CNTN6: variants seen among roughly 807,000 people sequenced by gnomAD.
CNTN6 encodes contactin 6.
A neutral mutation model predicts 122.8 loss-of-function variants in CNTN6; 137 were observed. The ratio of observed to expected loss-of-function variants is 1.12; its 90% CI spans 0.97 to 1.29. The LOEUF (loss-of-function observed/expected upper bound fraction) is 1.29, where lower values mean the gene tolerates loss of function less well. CNTN6 is among the 50% of genes most tolerant of loss of function. CNTN6 has a pLI of 0.00. For synonymous variants in CNTN6, 570 were observed against 426.0 expected (o/e 1.34, Z -4.16); for missense variants, 1,634 against 1,223.4 (o/e 1.34, Z -5.01).
chr3:1,171,060 CA>C (rs1391734028), intron 2 of CNTN6, among the ~76,000 whole-genome samples: 3 of 152,198 alleles, frequency 2.0e-5, no homozygotes, highest in African/African-American at 7.2e-5. Flanking sequence ...TGGCCAATGC[CA>C]TTGGCAACCA....
intron 4 of CNTN6, among the ~76,000 whole-genome samples, chr3:1,245,274 T>TATATATATATATATA (rs1317154205): frequency 2.5e-4 from 1 of 4,008 alleles, no homozygotes; most frequent in Non-Finnish European, 4.2e-4. Flanking sequence ...TATATATATA[T>TATATATATATATATA]ACACACACAT....
At chr3:1,271,154 A>G (rs896792676) in intron 4 of CNTN6, among the ~76,000 whole-genome samples, 1 of 152,230 alleles carries the variant, frequency 6.6e-6, no homozygotes, top group African/African-American at 2.4e-5. Context: ...CTGGGATTAC[A>G]GGCTGGAGCC....
chr3:1,215,168 T>C (rs1499102), intron 2 of CNTN6, among the ~76,000 whole-genome samples: 51,636 of 151,968 alleles, frequency 0.34, 10,271 homozygotes, highest in African/African-American at 0.55. Context: ...GTGTTGAGTA[T>C]TCACTCTTTC....
rs2013828 is a variant in CNTN6 at position 1,220,790 on chromosome 3, T to C, written c.159T>C (p.Asn53=). The stretch of plus-strand genomic sequence containing the variant: ...AGGTCATCCTGAATTGTGCTGCTAA[T>C]GGTTACCCTTCGCCTCATTATAGGT... The part of the protein sequence containing the change: ...KSEVILNCAA[N]GYPSPHYRWK... The change falls in exon 3 of 23, where the codon AAT becomes AAC. Residue 53 remains asparagine (N), a synonymous_variant. Transcript: ENST00000446702. 0.37 allele frequency: 601,848 copies of C among 1,609,350 alleles called. 115,255 individuals are homozygous for C. Among genetic ancestry groups the C allele is most frequent in the South Asian group, 0.52 (46,750 of 90,348 alleles).
chr3:1,255,367 C>G (rs1236674947), intron 4 of CNTN6, among the ~76,000 whole-genome samples: 1 of 149,022 alleles, frequency 6.7e-6, no homozygotes, highest in African/African-American at 2.5e-5. Context: ...GGAAACACCA[C>G]GTTTAAAGCC....
intron 20 of CNTN6, among the ~76,000 whole-genome samples, chr3:1,393,721 G>C (rs1242170601): frequency 1.3e-5 from 2 of 151,456 alleles, no homozygotes; most frequent in Non-Finnish European, 2.9e-5. Flanking sequence ...CAAGACTCAG[G>C]TCAACTTTTA....
intron 17 of CNTN6, among the ~76,000 whole-genome samples, chr3:1,379,576 G>T (rs1710360700): frequency 6.6e-6 from 1 of 151,830 alleles, no homozygotes; most frequent in African/African-American, 2.4e-5. Context: ...TAAAATAAAA[G>T]TTGAATTTTT....
intron 12 of CNTN6, among the ~76,000 whole-genome samples, chr3:1,359,995 A>G (rs1393311744): frequency 1.3e-5 from 2 of 152,052 alleles, no homozygotes; most frequent in Non-Finnish European, 2.9e-5. Flanking sequence ...TTGACGCTCC[A>G]TTGCCTAACT....
chr3:1,364,651 G>C (rs17038241), intron 12 of CNTN6, among the ~76,000 whole-genome samples: 5,393 of 152,000 alleles, frequency 0.035, 132 homozygotes, highest in South Asian at 0.056. Context: ...TTGATATAGA[G>C]AAGCAGTCCC....
chr3:1,269,877 T>C (rs768364655), intron 4 of CNTN6, among the ~76,000 whole-genome samples: 11 of 152,174 alleles, frequency 7.2e-5, no homozygotes, highest in Admixed American at 3.9e-4. Flanking sequence ...TACTTATATA[T>C]AAATTTTTAC....
At chr3:1,256,128 C>G (rs1003496644) in intron 4 of CNTN6, among the ~76,000 whole-genome samples, 9 of 151,990 alleles carry the variant, frequency 5.9e-5, no homozygotes, top group African/African-American at 1.9e-4. Context: ...GTCGTGGTCT[C>G]CTAAAGTGCT....
At chr3:1,269,648 A>G (rs2094989424) in intron 4 of CNTN6, among the ~76,000 whole-genome samples, 1 of 152,198 alleles carries the variant, frequency 6.6e-6, no homozygotes, top group African/African-American at 2.4e-5. Flanking sequence ...TGACATGTAT[A>G]TTATCATAGA....
intron 17 of CNTN6, among the ~76,000 whole-genome samples, chr3:1,382,008 A>C (rs913636150): frequency 6.6e-6 from 1 of 152,106 alleles, no homozygotes; most frequent in African/African-American, 2.4e-5. Context: ...GACTCCCATG[A>C]ATAAAGAGAA....
chr3:1,339,539 C>G (rs993523299), intron 11 of CNTN6, among the ~76,000 whole-genome samples: 1 of 152,134 alleles, frequency 6.6e-6, no homozygotes, highest in African/African-American at 2.4e-5. Flanking sequence ...GGGCAATTCA[C>G]TAACTTGGCT....
At chr3:1,297,654 A>G (rs1186985142) in intron 6 of CNTN6, among the ~76,000 whole-genome samples, 1 of 88,220 alleles carries the variant, frequency 1.1e-5, no homozygotes, top group African/African-American at 4.1e-5. Flanking sequence ...TTTTTTTTTT[A>G]TTAATCAGAT....
intron 1 of CNTN6, among the ~76,000 whole-genome samples, chr3:1,144,159 C>T (rs1181785424): frequency 4.6e-5 from 7 of 152,108 alleles, no homozygotes; most frequent in African/African-American, 7.2e-5. Flanking sequence ...TGGTGTTTAT[C>T]GTCAAGGTAA....
chr3:1,299,400 T>C lies in CNTN6; in HGVS notation c.761+1409T>C, dbSNP rs568377605. Among the ~76,000 whole-genome samples the C allele has an allele frequency of 2.0e-3, 304 of 152,284 alleles. 1 individual carries two copies. Among genetic ancestry groups the C allele is most frequent in the African/African-American group, 7.0e-3 (292 of 41,582 alleles). ...AAAAGAATATTAATAGCTTATTTAA[T>C]CATATTTGGCATCAGGAAATATAGA... On this transcript the variant is annotated intron_variant, in intron 7 of 22. Transcript: ENST00000446702.
At chr3:1,210,431 A>AGGAAAGAAAAG (rs1437318855) in intron 2 of CNTN6, among the ~76,000 whole-genome samples, 1 of 152,024 alleles carries the variant, frequency 6.6e-6, no homozygotes, top group African/African-American at 2.4e-5. Context: ...GAAAGAAAAA[A>AGGAAAGAAAAG]AAAAGGCTTA....
chr3:1,136,257 C>G (rs1206750804), intron 1 of CNTN6, among the ~76,000 whole-genome samples: 1 of 152,124 alleles, frequency 6.6e-6, no homozygotes, highest in African/African-American at 2.4e-5. Flanking sequence ...AACAGAGATT[C>G]TAAGACTTAC....
Sources: allele counts gnomAD v4.1 joint callset (sites outside exome capture counted in the v4.1 genomes callset), GRCh38; gene constraint gnomAD v4.1.1; transcripts MANE v1.5; gene names NCBI Gene and HGNC (gene_info 2026-07-23, HGNC 2026-07-21).